Variants in IQSEC1 observed in about 807,000 individuals in gnomAD.
IQSEC1 encodes IQ motif and SEC7 domain-containing protein 1.
A neutral mutation model predicts 91.0 loss-of-function variants in IQSEC1; 31 were observed. The observed-to-expected ratio is 0.34, with a 90% CI of 0.26 to 0.46. The LOEUF (loss-of-function observed/expected upper bound fraction) is 0.46. IQSEC1 is among the 20% of genes least tolerant of loss of function. The pLI, the probability that IQSEC1 is intolerant of heterozygous loss-of-function variation, is 1.00. For synonymous variants in IQSEC1, 699 were observed against 662.6 expected (o/e 1.05, Z -0.84); for missense variants, 1,388 against 1,575.6 (o/e 0.88, Z 2.02).
intron 1 of IQSEC1, among the ~76,000 whole-genome samples, chr3:13,071,828 C>A (rs1705441779): frequency 6.7e-6 from 1 of 149,612 alleles, no homozygotes; most frequent in African/African-American, 2.5e-5. Context: ...AACCAGAGGC[C>A]ACTGCCATCC....
intron 2 of IQSEC1, among the ~76,000 whole-genome samples, chr3:13,126,431 G>T (rs983356926): frequency 1.3e-5 from 2 of 152,190 alleles, no homozygotes; most frequent in Admixed American, 1.3e-4. Context: ...CCTTTGAGGG[G>T]TATCTGGTCA....
chr3:12,966,764 C>A (rs1245586677), intron 1 of IQSEC1, among the ~76,000 whole-genome samples: 1 of 152,210 alleles, frequency 6.6e-6, no homozygotes, highest in Non-Finnish European at 1.5e-5. Context: ...CTGCCAGGGG[C>A]AGAGTACCCG....
chr3:12,906,425 G>A lies in IQSEC1; in HGVS notation c.2755+1924C>T, dbSNP rs572983229. Among the ~76,000 whole-genome samples the A allele has an allele frequency of 2.2e-3, 332 of 152,302 alleles. 4 individuals carry two copies. The highest frequency in any genetic ancestry group is 6.3e-4 in the Non-Finnish European group (43 of 68,016). ...AAGGCTGCCAGCACCTGCCTGTCCCGATGGGAGATCACAGGTGGCCTCTCC... is the reference window on the plus strand; with the variant it reads ...AAGGCTGCCAGCACCTGCCTGTCCCAATGGGAGATCACAGGTGGCCTCTCC... On this transcript the variant is annotated intron_variant, in intron 12 of 13. Coordinates refer to ENST00000613206, the MANE Select transcript of IQSEC1 (RefSeq NM_001134382.3).
intron 1 of IQSEC1, among the ~76,000 whole-genome samples, chr3:13,191,306 C>T (rs138714341): frequency 1.3e-5 from 2 of 152,294 alleles, no homozygotes; most frequent in East Asian, 1.9e-4. Context: ...GAGCTGGGCA[C>T]AGGCTGGGCA....
At chr3:13,260,247 A>T (rs1358624380) in intron 1 of IQSEC1, among the ~76,000 whole-genome samples, 1 of 152,252 alleles carries the variant, frequency 6.6e-6, no homozygotes, top group Admixed American at 6.5e-5. Context: ...ATGCTAGTTA[A>T]CGATGTTCTC....
chr3:13,093,671 C>T (rs1444111673), intron 2 of IQSEC1, among the ~76,000 whole-genome samples: 5 of 152,176 alleles, frequency 3.3e-5, no homozygotes, highest in Non-Finnish European at 1.5e-5. Context: ...GGACACAAGA[C>T]GCATGCAGCT....
chr3:13,220,578 T>C (rs780330865), intron 1 of IQSEC1, among the ~76,000 whole-genome samples: 2 of 152,236 alleles, frequency 1.3e-5, no homozygotes, highest in African/African-American at 2.4e-5. Context: ...ATTAAATGAC[T>C]AATTAATGAT....
rs112754680 is a variant in IQSEC1 at position 13,193,566 on chromosome 3, G to C, written c.273-29433C>G. The stretch of plus-strand genomic sequence containing the variant: ...GGCCGCCAGGGTGACAGGAAGAAAG[G>C]GAGGGGAACAGAAGGTGCAGTTTAG... On this transcript the variant is annotated intron_variant, in intron 1 of 15. Coordinates refer to the IQSEC1 transcript ENST00000648114. The surrounding 1 kb of genome is among the most constrained non-coding windows in gnomAD (Gnocchi z 4.2). Among the ~76,000 whole-genome samples the C allele has an allele frequency of 1.7e-3, 257 of 152,274 alleles. 1 individual carries two copies. The highest frequency in any genetic ancestry group is 6.0e-3 in the African/African-American group (248 of 41,548).
intron 1 of IQSEC1, among the ~76,000 whole-genome samples, chr3:13,239,136 T>C (rs1329229477): frequency 6.6e-6 from 1 of 152,222 alleles, no homozygotes; most frequent in African/African-American, 2.4e-5. Flanking sequence ...GAGCAAGTTA[T>C]GGATTTCCTT....
chr3:13,102,323 C>G (rs989067257), intron 2 of IQSEC1, among the ~76,000 whole-genome samples: 2 of 151,996 alleles, frequency 1.3e-5, no homozygotes, highest in African/African-American at 4.8e-5. Context: ...GCCTTCCATG[C>G]GAACAAACAC....
intron 3 of IQSEC1, among the ~76,000 whole-genome samples, chr3:12,926,092 C>T (rs1192554436): frequency 7.2e-5 from 11 of 152,108 alleles, no homozygotes; most frequent in African/African-American, 1.4e-4. Context: ...AGGTGGATCA[C>T]GTGAGGTCAG....
In IQSEC1 at chr3:12,900,366, T is replaced by G. The variant is rs959519870; in HGVS notation, c.*617A>C. 7.2e-5 allele frequency: 71 copies of G among 984,796 alleles called. No homozygotes were observed. The highest frequency in any genetic ancestry group is 8.3e-5 in the Non-Finnish European group (69 of 829,824). 61.0% of individuals were successfully genotyped at this position (984,796 alleles called of 1,614,324 possible). A position where few individuals can be genotyped will look rare whatever the true frequency, so the allele number is the denominator to read the frequency against. ...ACCCAGCTAAGGTACTGTCTTCCTA[T>G]TAGGTAAGTGGAGCTCCTTGTAAGG... On this transcript the variant is annotated 3_prime_UTR_variant, in exon 14 of 14. Coordinates refer to ENST00000613206, the MANE Select transcript of IQSEC1 (RefSeq NM_001134382.3).
At chr3:12,980,103 C>G (rs1701380130) in intron 1 of IQSEC1, among the ~76,000 whole-genome samples, 1 of 152,196 alleles carries the variant, frequency 6.6e-6, no homozygotes, top group Non-Finnish European at 1.5e-5. Context: ...CCAGGAGCAC[C>G]TTCTGCACAG....
intron 2 of IQSEC1, among the ~76,000 whole-genome samples, chr3:13,139,730 G>A (rs1463080338): frequency 6.6e-6 from 1 of 152,130 alleles, no homozygotes; most frequent in African/African-American, 2.4e-5. Flanking sequence ...GAACCTTAAG[G>A]CAAGTCTCAA....
At position 12,901,310 on chromosome 3, in the gene IQSEC1, G is replaced by A. The variant is rs1251861663; in HGVS notation, c.3018C>T (p.His1006=). 6.5e-7 allele frequency: 1 copy of A among 1,544,448 alleles called. No homozygotes were observed. Among genetic ancestry groups the A allele is most frequent in the Non-Finnish European group, 8.7e-7 (1 of 1,145,042 alleles). ...HPPVVLPHLQ[H]SVAGHHLGPP... ...GCCCCAGGTGGTGGCCAGCCACAGA[G>A]TGCTGCAAGTGAGGCAGGACCACCG... is the stretch of plus-strand genomic sequence containing the variant. Residue 1006 remains histidine (H), a synonymous_variant, in exon 14 of 14, where the codon CAC becomes CAT. Transcript: ENST00000613206.
chr3:12,915,504 G>T, intron 7 of IQSEC1, 90 bp downstream of exon 7: 1 of 1,385,944 alleles, frequency 7.2e-7, no homozygotes, highest in Non-Finnish European at 1.0e-6. Context: ...GAGACCACAC[G>T]GAGTGGGGTG....
chr3:13,275,065 T>G (rs1695652133), intron 1 of IQSEC1, among the ~76,000 whole-genome samples: 1 of 152,234 alleles, frequency 6.6e-6, no homozygotes, highest in Non-Finnish European at 1.5e-5. Context: ...ACTGGGTGAC[T>G]GTGGGCAAAC....
chr3:12,984,786 T>C (rs1701640599), intron 1 of IQSEC1, among the ~76,000 whole-genome samples: 1 of 151,216 alleles, frequency 6.6e-6, no homozygotes, highest in African/African-American at 2.4e-5. Flanking sequence ...TTCCTCCCAG[T>C]GCACTATTAA....
At chr3:12,991,731 A>G (rs934032406) in intron 1 of IQSEC1, among the ~76,000 whole-genome samples, 1 of 152,266 alleles carries the variant, frequency 6.6e-6, no homozygotes, top group East Asian at 1.9e-4. Flanking sequence ...CACCCCTTAT[A>G]CCAATGGCTG....
Sources: allele counts gnomAD v4.1 joint callset (sites outside exome capture counted in the v4.1 genomes callset), GRCh38; gene constraint gnomAD v4.1.1; non-coding constraint Gnocchi (gnomAD v3.1); transcripts MANE v1.5; gene names NCBI Gene and HGNC (gene_info 2026-07-23, HGNC 2026-07-21).